Variants in BTG4 observed in about 807,000 individuals in gnomAD.
BTG4 encodes the protein BTG anti-proliferation factor 4.
Under a neutral mutation model 19.3 loss-of-function variants are expected in BTG4, and 10 were observed. That is an observed-to-expected ratio of 0.52 (90% CI 0.32 to 0.88). The LOEUF is 0.88. Among genes scored for constraint, BTG4 ranks in the 40% least tolerant of loss-of-function variants. BTG4 has a pLI of 0.04. For missense variants in BTG4, 238 were observed against 281.9 expected, an observed-to-expected ratio of 0.84 and a Z score of 1.11; for synonymous variants, 91 against 95.7, an observed-to-expected ratio of 0.95 and a Z score of 0.29.
chr11:111,512,456 A>G (rs1489598808), upstream of BTG4: 3 of 151,268 alleles, frequency 2.0e-5, no homozygotes, highest in South Asian at 2.1e-4. Context: ...CGGGGTTCCA[A>G]GGACGGTTGG....
the BTG4 span, among the ~76,000 whole-genome samples, chr11:111,406,093 C>G: frequency 6.6e-6 from 1 of 152,152 alleles, no homozygotes; most frequent in Non-Finnish European, 1.5e-5. Context: ...AGAGAAGATG[C>G]AATTTAAGAT....
At chr11:111,465,815 G>T (rs1863688921), downstream of BTG4, among the ~76,000 whole-genome samples, 1 of 152,146 alleles carries the variant, frequency 6.6e-6, no homozygotes, top group African/African-American at 2.4e-5. Context: ...CTTCTACCGT[G>T]AGGAAAGGGA....
chr11:111,391,755 G>A, the BTG4 span, among the ~76,000 whole-genome samples: 4 of 152,164 alleles, frequency 2.6e-5, no homozygotes, highest in Admixed American at 1.3e-4. Context: ...GAGGAGTGAC[G>A]GGGTCATAGT....
At chr11:111,428,091 C>G in the BTG4 span, among the ~76,000 whole-genome samples, 2 of 152,154 alleles carry the variant, frequency 1.3e-5, no homozygotes, top group Non-Finnish European at 2.9e-5. Flanking sequence ...TCGCCAAGAG[C>G]TAGGATAAAT....
intron 1 of BTG4, among the ~76,000 whole-genome samples, chr11:111,509,189 AT>A (rs1263893192): frequency 6.6e-6 from 1 of 152,226 alleles, no homozygotes; most frequent in Non-Finnish European, 1.5e-5. Flanking sequence ...CTGGCAGTTC[AT>A]TTTAGCTCAA....
chr11:111,476,133 G>GACACACAC (rs1287031689), intron 5 of BTG4, among the ~76,000 whole-genome samples: 1 of 22,230 alleles, frequency 4.5e-5, no homozygotes, highest in African/African-American at 1.2e-4. Context: ...TACCAGAATA[G>GACACACAC]ATACACACAC....
At chr11:111,514,430 T>C (rs1349786402), upstream of BTG4, 7 of 299,086 alleles carry the variant, frequency 2.3e-5, no homozygotes, top group South Asian at 2.4e-4. Flanking sequence ...ATTGGGGCAA[T>C]GGGGCTGAGG....
the BTG4 span, among the ~76,000 whole-genome samples, chr11:111,428,536 G>A: frequency 1.3e-5 from 2 of 152,180 alleles, no homozygotes; most frequent in East Asian, 3.8e-4. Context: ...CAGGGGAGCA[G>A]ACTGACAGCG....
chr11:111,473,367 G>A (rs959049318), intron 5 of BTG4: 12 of 152,670 alleles, frequency 7.9e-5, no homozygotes, highest in East Asian at 3.9e-4. Context: ...AAGCATCCTC[G>A]CTGCAGAACA....
intron 5 of BTG4, among the ~76,000 whole-genome samples, chr11:111,475,998 C>G (rs1864375630): frequency 6.6e-6 from 1 of 151,982 alleles, no homozygotes; most frequent in African/African-American, 2.4e-5. Flanking sequence ...GGGGAAACCA[C>G]CCCCCATGAT....
intron 1 of BTG4, among the ~76,000 whole-genome samples, chr11:111,509,288 ATAAAC>A (rs1396721841): frequency 6.6e-6 from 1 of 152,214 alleles, no homozygotes; most frequent in Non-Finnish European, 1.5e-5. Flanking sequence ...GCTTCAACAT[ATAAAC>A]TAGTTTCTAG....
chr11:111,405,865 G>A, the BTG4 span, among the ~76,000 whole-genome samples: 1 of 152,168 alleles, frequency 6.6e-6, no homozygotes, highest in Admixed American at 6.5e-5. Flanking sequence ...CTATAAGATT[G>A]TTGTGAGGAT....
the BTG4 span, among the ~76,000 whole-genome samples, chr11:111,434,640 C>T: frequency 1.3e-5 from 2 of 150,328 alleles, no homozygotes; most frequent in Admixed American, 6.6e-5. Context: ...TGAGATAATA[C>T]ATATCAAGTA....
At chr11:111,438,238 G>A in the BTG4 span, among the ~76,000 whole-genome samples, 1 of 152,196 alleles carries the variant, frequency 6.6e-6, no homozygotes, top group Admixed American at 6.5e-5. Flanking sequence ...ACCTAACTTT[G>A]TGGGTTAGAC....
chr11:111,432,288 C>T, the BTG4 span, among the ~76,000 whole-genome samples: 1 of 152,132 alleles, frequency 6.6e-6, no homozygotes, highest in Non-Finnish European at 1.5e-5. Context: ...TAAACATGGG[C>T]TATGGGTACC....
At chr11:111,433,250 G>A in the BTG4 span, among the ~76,000 whole-genome samples, 2 of 152,154 alleles carry the variant, frequency 1.3e-5, no homozygotes, top group Non-Finnish European at 2.9e-5. Flanking sequence ...AAGCAACTGT[G>A]GTGTGGGGGC....
the BTG4 span, among the ~76,000 whole-genome samples, chr11:111,404,336 T>A: frequency 4.6e-5 from 7 of 152,176 alleles, no homozygotes; most frequent in Non-Finnish European, 8.8e-5. Flanking sequence ...ATTTTATAGA[T>A]GAAGAAAACT....
chr11:111,446,326 A>G, the BTG4 span, among the ~76,000 whole-genome samples: 9 of 152,186 alleles, frequency 5.9e-5, no homozygotes, highest in African/African-American at 2.2e-4. Flanking sequence ...GGTTCATTAC[A>G]ATGTCAATCT....
At chr11:111,410,603 A>T in the BTG4 span, among the ~76,000 whole-genome samples, 1 of 152,182 alleles carries the variant, frequency 6.6e-6, no homozygotes, top group South Asian at 2.1e-4. Context: ...TGACCAACTC[A>T]TTGTGTGCCC....
Sources: allele counts gnomAD v4.1 joint callset (sites outside exome capture counted in the v4.1 genomes callset), GRCh38; gene constraint gnomAD v4.1.1; transcripts MANE v1.5; gene names NCBI Gene and HGNC (gene_info 2026-07-23, HGNC 2026-07-21).